The following TPCN1 variants were observed in gnomAD, a reference collection of about 807,000 sequenced individuals.
The protein encoded by TPCN1 is two pore channel protein 1.
A neutral mutation model predicts 108.8 loss-of-function variants in TPCN1; 52 were observed. The observed-to-expected ratio is 0.48, with a 90% CI of 0.38 to 0.60. The LOEUF (loss-of-function observed/expected upper bound fraction) is 0.60, where lower values mean the gene tolerates loss of function less well. Among genes scored for constraint, TPCN1 ranks in the 20% least tolerant of loss-of-function variants. The probability of loss-of-function intolerance (pLI) is 0.00; values close to 1 mark genes in which losing one functional copy is unlikely to be tolerated. For missense variants in TPCN1, 806 were observed against 1,072.8 expected, an observed-to-expected ratio of 0.75 and a Z score of 3.47; for synonymous variants, 446 against 433.7, an observed-to-expected ratio of 1.03 and a Z score of -0.35.
At chr12:113,225,091 G>C (rs368717689) in intron 1 of TPCN1, among the ~76,000 whole-genome samples, 4 of 151,984 alleles carry the variant, frequency 2.6e-5, no homozygotes, top group East Asian at 3.9e-4. Flanking sequence ...GTCTCACTCT[G>C]TTGTCCAGGC....
rs1487549918 is a variant in TPCN1 at position 113,272,848 on chromosome 12, A to C, written c.783+156A>C. Among the ~76,000 whole-genome samples the C allele has an allele frequency of 1.3e-5, 2 of 152,006 alleles. No individual in the cohort carries two copies. Among genetic ancestry groups the C allele is most frequent in the Non-Finnish European group, 2.9e-5 (2 of 67,976 alleles). Reference sequence around the variant, plus strand: ...TGCATTGCACCTGGGAGTTCCCATCACTCAGACTTGACCACTTTCTTCCTT... The same window carrying C: ...TGCATTGCACCTGGGAGTTCCCATCCCTCAGACTTGACCACTTTCTTCCTT... On this transcript the variant is annotated intron_variant, in intron 8 of 27. Transcript: ENST00000335509. This position sits in a 1 kb window ranked among gnomAD's most constrained non-coding sequence, Gnocchi z 4.1.
rs1349677704 is a variant in TPCN1, at chr12:113,296,721, C to T, written c.*645C>T. On this transcript the variant is annotated 3_prime_UTR_variant, in exon 28 of 28. Transcript: ENST00000335509. ...ACAGATTACACTGACCAATCTCCTC[C>T]CTTGGCTCTGCAAGCCTCCCACCCA... The T allele has an allele frequency of 6.6e-6, 1 of 152,324 alleles. No homozygotes were observed. Among genetic ancestry groups the T allele is most frequent in the Non-Finnish European group, 1.5e-5 (1 of 68,120 alleles). The allele number at this position is 152,324 out of a possible 1,614,324, so 9.4% of individuals were successfully genotyped here. A position where few individuals can be genotyped will look rare whatever the true frequency, so the allele number is the denominator to read the frequency against.
intron 2 of TPCN1, chr12:113,249,787 A>G (rs1254673261): frequency 6.6e-6 from 1 of 152,316 alleles, no homozygotes; most frequent in Non-Finnish European, 1.5e-5. Flanking sequence ...ATGGCACACC[A>G]TTAATGGACT....
Position 113,268,876 on chromosome 12 carries a change from A to G in TPCN1, c.659+4A>G. ...GGTATTGCGGTGGCGTCCGGCGGTA[A>G]GGCCCGGGTGGGGAGCTGGGCAGTC... On this transcript the variant is annotated splice_donor_region_variant and intron_variant, in intron 6 of 27. Transcript: ENST00000335509. This position sits in a 1 kb window ranked among gnomAD's most constrained non-coding sequence, Gnocchi z 7.3. 6.2e-7 allele frequency: 1 copy of G among 1,613,532 alleles called. No individual in the cohort carries two copies. Among genetic ancestry groups the G allele is most frequent in the Non-Finnish European group, 8.5e-7 (1 of 1,179,760 alleles).
chr12:113,243,058 G>A (rs1234043106), intron 2 of TPCN1, among the ~76,000 whole-genome samples: 4 of 152,234 alleles, frequency 2.6e-5, no homozygotes, highest in Non-Finnish European at 5.9e-5. Flanking sequence ...GTGTTTGCAT[G>A]TAGGTGGTCA....
rs115631438 is a variant in TPCN1, at chr12:113,276,098, C to T, written c.943-821C>T. Among the ~76,000 whole-genome samples, 190 of 152,300 alleles carry T rather than the reference C, an allele frequency of 1.2e-3. 1 individual carries two copies. The highest frequency in any genetic ancestry group is 4.3e-3 in the African/African-American group (179 of 41,566). On this transcript the variant is annotated intron_variant, in intron 10 of 27. Transcript: ENST00000335509. ...TTCATGTATAGTCTGTGGCTGATCT[C>T]ATGATATGACCACAGGTTAGTAGTC...
intron 3 of TPCN1, among the ~76,000 whole-genome samples, chr12:113,265,464 C>G (rs1170851357): frequency 6.6e-6 from 1 of 152,144 alleles, no homozygotes; most frequent in Non-Finnish European, 1.5e-5. Flanking sequence ...GCTGGGCACT[C>G]CTAGAGGGAG....
intron 13 of TPCN1, 77 bp from the exon 14 acceptor site, chr12:113,278,695 A>C (rs1955758272): frequency 8.3e-7 from 1 of 1,209,094 alleles, no homozygotes; most frequent in East Asian, 2.3e-5. Flanking sequence ...ACAGGAAAGG[A>C]AGCCAGCATC....
intron 15 of TPCN1, among the ~76,000 whole-genome samples, chr12:113,281,363 G>A (rs1257224436): frequency 6.6e-6 from 1 of 152,018 alleles, no homozygotes; most frequent in African/African-American, 2.4e-5. Flanking sequence ...TAAAATCCAG[G>A]TTGTCTTTGA....
chr12:113,231,316 C>T lies in TPCN1; in HGVS notation c.112+4352C>T, dbSNP rs746574097. On this transcript the variant is annotated intron_variant, in intron 2 of 27. Transcript: ENST00000335509. The surrounding 1 kb of genome is among the most constrained non-coding windows in gnomAD (Gnocchi z 4.3). The stretch of plus-strand genomic sequence containing the variant: ...AGGTGTCAGCAGGTTTGGTTTCTTG[C>T]GAAGCCTCTTTCCTTGGCTCGCAAA... 7.9e-5 allele frequency among the ~76,000 whole-genome samples: 12 copies of T among 152,304 alleles called. No homozygotes were observed. Among genetic ancestry groups the T allele is most frequent in the East Asian group, 1.9e-4 (1 of 5,190 alleles).
Position 113,272,720 on chromosome 12 carries a change from C to T in TPCN1, c.783+28C>T. ...AAGTAATCAGCACATTTGTCCGTCTCTTCTTTTATGGAGGGCTTTTCCCTC... is the reference window on the plus strand; with the variant it reads ...AAGTAATCAGCACATTTGTCCGTCTTTTCTTTTATGGAGGGCTTTTCCCTC... On this transcript the variant is annotated intron_variant, in intron 8 of 27. Transcript: ENST00000335509. This position sits in a 1 kb window ranked among gnomAD's most constrained non-coding sequence, Gnocchi z 4.1. 1.2e-6 allele frequency: 2 copies of T among 1,609,832 alleles called. No individual in the cohort carries two copies. Among genetic ancestry groups the T allele is most frequent in the Non-Finnish European group, 1.7e-6 (2 of 1,176,054 alleles).
intron 3 of TPCN1, among the ~76,000 whole-genome samples, chr12:113,264,285 C>T (rs1955159917): frequency 1.3e-5 from 2 of 152,182 alleles, no homozygotes; most frequent in African/African-American, 4.8e-5. Flanking sequence ...TGGTTTGTCT[C>T]GATTTTTTGC....
chr12:113,234,368 G>A (rs1953804572), intron 2 of TPCN1, among the ~76,000 whole-genome samples: 1 of 152,244 alleles, frequency 6.6e-6, no homozygotes. Context: ...GGAAAGGAAG[G>A]ATGAAGAGGA....
intron 2 of TPCN1, among the ~76,000 whole-genome samples, chr12:113,246,566 T>A (rs1459630816): frequency 6.6e-6 from 1 of 152,092 alleles, no homozygotes; most frequent in Non-Finnish European, 1.5e-5. Context: ...CTCATCTCCC[T>A]CCCTCCTATG....
At chr12:113,292,859 A>C (rs1566208029) in intron 25 of TPCN1, 75 bp from the exon 26 acceptor site, 1 of 1,537,692 alleles carries the variant, frequency 6.5e-7, no homozygotes, top group East Asian at 2.3e-5. Context: ...GGAAGGGGGC[A>C]AGGAGGTACG....
chr12:113,258,195 G>A (rs73192828), intron 2 of TPCN1, among the ~76,000 whole-genome samples: 10,324 of 152,238 alleles, frequency 0.068, 521 homozygotes, highest in Non-Finnish European at 0.1. Context: ...GGCCAGGCAC[G>A]ATGGCTCACA....
chr12:113,245,079 C>T (rs1428667403), intron 2 of TPCN1, among the ~76,000 whole-genome samples: 1 of 151,968 alleles, frequency 6.6e-6, no homozygotes, highest in Admixed American at 6.5e-5. Context: ...GACTGGGGAA[C>T]ATGGTGATGA....
At chr12:113,276,460 C>T (rs572343126) in intron 10 of TPCN1, among the ~76,000 whole-genome samples, 1 of 152,230 alleles carries the variant, frequency 6.6e-6, no homozygotes, top group Non-Finnish European at 1.5e-5. Flanking sequence ...AACAAAGGGG[C>T]AGGGGGAGGA....
Position 113,291,855 on chromosome 12 carries a change from C to A in TPCN1, c.2029-19C>A. 6.2e-7 allele frequency: 1 copy of A among 1,609,346 alleles called. No homozygotes were observed. The highest frequency in any genetic ancestry group is 8.5e-7 in the Non-Finnish European group (1 of 1,175,650). On this transcript the variant is annotated intron_variant, in intron 24 of 27. Coordinates refer to ENST00000335509, the MANE Select transcript of TPCN1 (RefSeq NM_017901.6). The stretch of plus-strand genomic sequence containing the variant: ...CCCTCCTCCCCTGCCTCTGCCCCTC[C>A]CTCCCTATCCCTGGCCAGGTGGTGA...
Sources: allele counts gnomAD v4.1 joint callset (sites outside exome capture counted in the v4.1 genomes callset), GRCh38; gene constraint gnomAD v4.1.1; non-coding constraint Gnocchi (gnomAD v3.1); transcripts MANE v1.5; gene names NCBI Gene and HGNC (gene_info 2026-07-23, HGNC 2026-07-21).